SVIL: variants seen among roughly 807,000 people sequenced by gnomAD.
SVIL encodes archvillin.
A neutral mutation model predicts 240.4 loss-of-function variants in SVIL; 101 were observed. The ratio of observed to expected loss-of-function variants is 0.42; its 90% confidence interval spans 0.36 to 0.50. SVIL has a LOEUF of 0.50. Among genes scored for constraint, SVIL ranks in the 20% least tolerant of loss-of-function variants. The pLI is 0.01. For missense variants in SVIL, 2,512 were observed against 2,818.7 expected (o/e 0.89, Z 2.46); for synonymous variants, 999 against 1,100.0 (o/e 0.91, Z 1.82).
chr10:29,493,410 A>C lies in SVIL; in HGVS notation c.3842-19T>G, dbSNP rs775319201. ...CCGCCAACTATCAACAAACAAGCAAAAGACATAAGAGTTTTATAAAAACAA... is the reference window on the plus strand; with the variant it reads ...CCGCCAACTATCAACAAACAAGCAACAGACATAAGAGTTTTATAAAAACAA... On this transcript the variant is annotated intron_variant, in intron 20 of 37. Transcript: ENST00000355867. The C allele has an allele frequency of 3.1e-6, 5 of 1,613,222 alleles. No individual in the cohort carries two copies. Among genetic ancestry groups the C allele is most frequent in the Non-Finnish European group, 4.2e-6 (5 of 1,179,368 alleles).
chr10:29,679,050 G>A (rs1038790008), intron 2 of SVIL, among the ~76,000 whole-genome samples: 4 of 152,050 alleles, frequency 2.6e-5, no homozygotes, highest in African/African-American at 7.2e-5. Flanking sequence ...TACTAAAAAT[G>A]CAAAATTAGC....
rs1377728074 is a variant in SVIL, at chr10:29,562,435, C to CTTA, written c.-51+765_-51+766insTAA. ...CATGATAAAGTCTGCACGGGCTGTT[C>CTTA]GCCGCTCAGCAGGAAGCTACAAGAT... On this transcript the variant is annotated intron_variant, in intron 3 of 37. Coordinates refer to ENST00000355867, the MANE Select transcript of SVIL (RefSeq NM_021738.3). 2.6e-5 allele frequency among the ~76,000 whole-genome samples: 4 copies of CTTA among 152,322 alleles called. No individual in the cohort carries two copies. In the East Asian group the frequency reaches 7.7e-4, roughly 29 times the overall value.
intron 14 of SVIL, 138 bp downstream of exon 14, chr10:29,524,334 A>G: frequency 3.0e-6 from 4 of 1,350,356 alleles, no homozygotes; most frequent in Non-Finnish European, 4.0e-6. Flanking sequence ...TTAGGAAGAA[A>G]GCTATTACCA....
At chr10:29,646,210 CA>C (rs200051481) in intron 3 of SVIL, among the ~76,000 whole-genome samples, 9 of 152,194 alleles carry the variant, frequency 5.9e-5, no homozygotes, top group Admixed American at 5.2e-4. Flanking sequence ...CCCTCACAGA[CA>C]CCCCCCTGCC....
At chr10:29,602,039 G>A (rs887806401) in intron 1 of SVIL, among the ~76,000 whole-genome samples, 6 of 152,108 alleles carry the variant, frequency 3.9e-5, no homozygotes, top group African/African-American at 1.4e-4. Context: ...ACAGTATTTG[G>A]TATCTACGTG....
intron 30 of SVIL, among the ~76,000 whole-genome samples, chr10:29,471,688 C>G (rs1945599429): frequency 6.6e-6 from 1 of 152,198 alleles, no homozygotes; most frequent in South Asian, 2.1e-4. Flanking sequence ...TTTGTGGCCA[C>G]CCCAGCAGTC....
intron 1 of SVIL, among the ~76,000 whole-genome samples, chr10:29,607,712 G>A (rs1957077145): frequency 6.6e-6 from 1 of 152,218 alleles, no homozygotes; most frequent in African/African-American, 2.4e-5. Context: ...TGCCTGAAAA[G>A]ATGCCCCAAG....
intron 1 of SVIL, among the ~76,000 whole-genome samples, chr10:29,731,708 C>T (rs112774715): frequency 2.3e-3 from 343 of 152,280 alleles, no homozygotes; most frequent in Non-Finnish European, 4.2e-3. Flanking sequence ...AACCGCCTCC[C>T]CTGACAGACT....
At chr10:29,643,318 G>C (rs1242691922) in intron 3 of SVIL, among the ~76,000 whole-genome samples, 2 of 152,170 alleles carry the variant, frequency 1.3e-5, no homozygotes, top group Non-Finnish European at 2.9e-5. Context: ...TCAATCACTG[G>C]AGGTATTTTT....
At chr10:29,672,152 C>T (rs1444688253) in intron 2 of SVIL, among the ~76,000 whole-genome samples, 3 of 152,176 alleles carry the variant, frequency 2.0e-5, no homozygotes, top group Non-Finnish European at 4.4e-5. Flanking sequence ...CACATCACTG[C>T]CAATTTTTGC....
At chr10:29,532,278 C>T in intron 8 of SVIL, 106 bp from the exon 9 acceptor site, 1 of 1,364,022 alleles carries the variant, frequency 7.3e-7, no homozygotes, top group Non-Finnish European at 9.9e-7. Context: ...CAGACACCAC[C>T]AAACCCCTCT....
chr10:29,494,184 A>G (rs1948221898), intron 20 of SVIL, among the ~76,000 whole-genome samples: 1 of 94,310 alleles, frequency 1.1e-5, no homozygotes, highest in African/African-American at 4.1e-5. Context: ...ACAAACAAGA[A>G]AAAAAAAAAG....
In SVIL at chr10:29,477,416, G is replaced by A. The variant is rs138734368; in HGVS notation, c.5377+3121C>T. ...CTTGAGCAGCTGTCGCGACCCTGCTGGGGAGTGAGCAACCCTACCCTGCAG... is the reference window on the plus strand; with the variant it reads ...CTTGAGCAGCTGTCGCGACCCTGCTAGGGAGTGAGCAACCCTACCCTGCAG... On this transcript the variant is annotated intron_variant, in intron 29 of 37. Transcript: ENST00000355867. Among the ~76,000 whole-genome samples, 711 of 152,300 alleles carry A rather than the reference G, an allele frequency of 4.7e-3. 5 individuals are homozygous for A. Among genetic ancestry groups the A allele is most frequent in the African/African-American group, 0.016 (668 of 41,574 alleles).
At chr10:29,611,359 T>C (rs945628069) in intron 1 of SVIL, among the ~76,000 whole-genome samples, 1 of 151,938 alleles carries the variant, frequency 6.6e-6, no homozygotes, top group African/African-American at 2.4e-5. Context: ...GATGCTGGTA[T>C]GGCCACAGCT....
intron 17 of SVIL, among the ~76,000 whole-genome samples, chr10:29,506,656 TGG>T (rs1949312087): frequency 7.4e-6 from 1 of 134,908 alleles, no homozygotes; most frequent in Non-Finnish European, 1.6e-5. Context: ...ACAGAGGCCC[TGG>T]AGGGAGGGGA....
intron 1 of SVIL, among the ~76,000 whole-genome samples, chr10:29,585,104 A>G (rs1956113339): frequency 6.9e-6 from 1 of 145,954 alleles, no homozygotes; most frequent in African/African-American, 2.6e-5. Flanking sequence ...TTTTTTTGAG[A>G]CAGGTTCTCC....
At chr10:29,689,521 T>C (rs955253336) in intron 1 of SVIL, among the ~76,000 whole-genome samples, 79 of 152,324 alleles carry the variant, frequency 5.2e-4, no homozygotes, top group African/African-American at 1.8e-3. Flanking sequence ...CCTGACCTCG[T>C]GATCTGCCCA....
intron 18 of SVIL, chr10:29,496,538 G>A (rs549351693): frequency 5.2e-4 from 201 of 384,482 alleles, no homozygotes; most frequent in African/African-American, 4.0e-3. Context: ...GGCCGGTGCC[G>A]GGCAAACCCC....
intron 3 of SVIL, among the ~76,000 whole-genome samples, chr10:29,558,938 T>C (rs896252407): frequency 6.8e-6 from 1 of 147,988 alleles, no homozygotes; most frequent in African/African-American, 2.5e-5. Context: ...GAAATATATA[T>C]ATATATATAA....
Sources: gnomAD v4.1 joint callset for allele counts (sites outside exome capture counted in the v4.1 genomes callset) on GRCh38, gnomAD v4.1.1 for gene constraint, MANE v1.5 for transcripts, NCBI Gene and HGNC (gene_info 2026-07-23, HGNC 2026-07-21) for gene names.